UNC13C: variants seen among roughly 807,000 people sequenced by gnomAD.
UNC13C encodes the protein protein unc-13 homolog C.
Under a neutral mutation model 245.4 loss-of-function variants are expected in UNC13C, and 174 were observed. The observed-to-expected ratio is 0.71, with a 90% CI of 0.63 to 0.80. The LOEUF (loss-of-function observed/expected upper bound fraction) is 0.80, where lower values mean the gene tolerates loss of function less well. UNC13C is among the 30% of genes least tolerant of loss of function. The probability of loss-of-function intolerance (pLI) is 0.00; values close to 1 mark genes in which losing one functional copy is unlikely to be tolerated. For synonymous variants in UNC13C, 992 were observed against 895.1 expected, an observed-to-expected ratio of 1.11 and a Z score of -1.93; for missense variants, 2,829 against 2,602.9, an observed-to-expected ratio of 1.09 and a Z score of -1.89.
At chr15:54,168,514 G>A (rs918084618) in intron 4 of UNC13C, among the ~76,000 whole-genome samples, 6 of 151,988 alleles carry the variant, frequency 3.9e-5, no homozygotes, top group South Asian at 2.1e-4. Flanking sequence ...AGTTTTCAGC[G>A]TTCAACTTTT....
At chr15:54,074,927 C>T (rs1401806335) in intron 2 of UNC13C, among the ~76,000 whole-genome samples, 1 of 151,972 alleles carries the variant, frequency 6.6e-6, no homozygotes, top group Non-Finnish European at 1.5e-5. Context: ...ATAGAAAGAT[C>T]CACAGCCTCT....
chr15:53,984,269 A>G (rs1169202867), intron 1 of UNC13C, among the ~76,000 whole-genome samples: 3 of 152,008 alleles, frequency 2.0e-5, no homozygotes, highest in Non-Finnish European at 4.4e-5. Flanking sequence ...TTCCTTATCC[A>G]ATCTCTGCCC....
intron 19 of UNC13C, among the ~76,000 whole-genome samples, chr15:54,481,562 A>G (rs1394214178): frequency 6.6e-6 from 1 of 152,150 alleles, no homozygotes; most frequent in Non-Finnish European, 1.5e-5. Context: ...TACTGGTTGC[A>G]GCAGCAGTGG....
At chr15:53,865,790 T>C in the UNC13C span, among the ~76,000 whole-genome samples, 1 of 152,120 alleles carries the variant, frequency 6.6e-6, no homozygotes, top group East Asian at 1.9e-4. Context: ...AAAGTATATT[T>C]ATATTTATTT....
intron 2 of UNC13C, chr15:54,050,034 A>T (rs947458798): frequency 2.4e-5 from 7 of 293,582 alleles, no homozygotes; most frequent in African/African-American, 1.3e-4. Context: ...CAGTGGCGTG[A>T]CCTCGGCTCA....
intron 19 of UNC13C, among the ~76,000 whole-genome samples, chr15:54,423,905 C>A (rs2040704155): frequency 6.6e-6 from 1 of 151,742 alleles, no homozygotes; most frequent in African/African-American, 2.4e-5. Context: ...TTAGATTTTT[C>A]TTCCTTATTA....
intron 4 of UNC13C, among the ~76,000 whole-genome samples, chr15:54,189,325 CAG>C (rs1210625604): frequency 3.9e-5 from 6 of 152,112 alleles, no homozygotes; most frequent in Admixed American, 3.9e-4. Context: ...ATATTCTACT[CAG>C]AATTTCTTTT....
At chr15:54,125,265 C>A (rs920688685) in intron 2 of UNC13C, among the ~76,000 whole-genome samples, 3 of 152,090 alleles carry the variant, frequency 2.0e-5, no homozygotes, top group Non-Finnish European at 2.9e-5. Flanking sequence ...CATTTGAGAC[C>A]AGCCTGGTCA....
intron 17 of UNC13C, among the ~76,000 whole-genome samples, chr15:54,351,151 A>T (rs1429721106): frequency 1.3e-5 from 2 of 151,792 alleles, no homozygotes; most frequent in African/African-American, 4.9e-5. Context: ...TAAATTGGAA[A>T]CATAATTTTT....
At chr15:53,921,248 G>A in the UNC13C span, among the ~76,000 whole-genome samples, 1 of 152,076 alleles carries the variant, frequency 6.6e-6, no homozygotes, top group African/African-American at 2.4e-5. Context: ...TTTTTACTCT[G>A]CGAACTTCTC....
intron 32 of UNC13C, among the ~76,000 whole-genome samples, chr15:54,624,437 C>T (rs1363588065): frequency 6.6e-6 from 1 of 152,006 alleles, no homozygotes; most frequent in Non-Finnish European, 1.5e-5. Context: ...AAGGCGAGAG[C>T]AAGTCTGGGA....
At chr15:54,101,740 C>A (rs941240125) in intron 2 of UNC13C, among the ~76,000 whole-genome samples, 7 of 152,112 alleles carry the variant, frequency 4.6e-5, no homozygotes, top group Non-Finnish European at 1.0e-4. Flanking sequence ...CACGCACCAC[C>A]GCACCCAGCT....
chr15:54,267,887 A>G (rs1028657958), intron 10 of UNC13C, among the ~76,000 whole-genome samples: 1 of 152,116 alleles, frequency 6.6e-6, no homozygotes, highest in African/African-American at 2.4e-5. Flanking sequence ...ACTTGAATAC[A>G]TATTAGGCCT....
At chr15:54,416,748 T>A (rs2140953115) in intron 19 of UNC13C, 1 of 355,850 alleles carries the variant, frequency 2.8e-6, no homozygotes, top group African/African-American at 2.1e-5. Context: ...ATTTTTAGGG[T>A]CTGTATAGAT....
chr15:54,344,748 T>C (rs535684389), intron 17 of UNC13C, among the ~76,000 whole-genome samples: 1 of 152,278 alleles, frequency 6.6e-6, no homozygotes, highest in South Asian at 2.1e-4. Context: ...GTCTCACCTG[T>C]CTTCAAATTC....
intron 19 of UNC13C, among the ~76,000 whole-genome samples, chr15:54,421,016 A>T (rs770110440): frequency 5.3e-5 from 8 of 152,026 alleles, no homozygotes; most frequent in Non-Finnish European, 1.2e-4. Flanking sequence ...CCAGATTTTT[A>T]ATCTTATTTA....
the UNC13C span, among the ~76,000 whole-genome samples, chr15:53,928,751 T>C: frequency 6.6e-6 from 1 of 152,236 alleles, no homozygotes; most frequent in Non-Finnish European, 1.5e-5. Context: ...CTGGAGGTAC[T>C]GCTGCTTTCA....
At chr15:54,454,128 T>TAC (rs957153414) in intron 19 of UNC13C, among the ~76,000 whole-genome samples, 1 of 151,586 alleles carries the variant, frequency 6.6e-6, no homozygotes, top group Non-Finnish European at 1.5e-5. Flanking sequence ...TATTGTGATA[T>TAC]ATATATATAT....
At chr15:54,293,413 T>C (rs961151688) in intron 10 of UNC13C, among the ~76,000 whole-genome samples, 2 of 152,080 alleles carry the variant, frequency 1.3e-5, no homozygotes, top group Non-Finnish European at 2.9e-5. Context: ...GATTTAATAA[T>C]ATCTTATGTG....
Sources: gnomAD v4.1 joint callset for allele counts (sites outside exome capture counted in the v4.1 genomes callset) on GRCh38, gnomAD v4.1.1 for gene constraint, MANE v1.5 for transcripts, NCBI Gene and HGNC (gene_info 2026-07-23, HGNC 2026-07-21) for gene names.